DIPK2B: variants seen among roughly 807,000 people sequenced by gnomAD.
DIPK2B encodes divergent protein kinase domain 2B, also known as UPF0672 protein CXorf36.
Under a neutral mutation model 22.2 loss-of-function variants are expected in DIPK2B, and 15 were observed. The observed-to-expected ratio is 0.68, with a 90% confidence interval of 0.45 to 1.04. DIPK2B has a LOEUF of 1.04. DIPK2B is among the 50% of genes least tolerant of loss of function. DIPK2B has a pLI of 0.00. For synonymous variants in DIPK2B, 163 were observed against 153.2 expected (o/e 1.06, Z -0.47); for missense variants, 345 against 348.3 (o/e 0.99, Z 0.08).
chrX:45,178,516 CT>C (rs773309400), intron 2 of DIPK2B, among the ~76,000 whole-genome samples: 102 of 111,469 alleles, frequency 9.2e-4, no homozygotes, highest in African/African-American at 3.1e-3. Flanking sequence ...CACAATTATC[CT>C]TGTGAGAAAG....
At chrX:45,162,251 G>A in intron 2 of DIPK2B, 1 of 392,770 alleles carries the variant, frequency 2.5e-6, no homozygotes, top group Non-Finnish European at 3.2e-6. Flanking sequence ...AGCTTGGTGA[G>A]CCTTTCCCAC....
At chrX:45,154,371 T>C (rs889663310) in intron 3 of DIPK2B, among the ~76,000 whole-genome samples, 173 bp from the exon 4 acceptor site, 2 of 110,871 alleles carry the variant, frequency 1.8e-5, no homozygotes, top group African/African-American at 6.6e-5. Context: ...ATCATCTATC[T>C]ATCTCTATCT....
chrX:45,151,605 T>C lies in DIPK2B; in HGVS notation c.*47A>G, dbSNP rs764863334. On this transcript the variant is annotated 3_prime_UTR_variant, in exon 5 of 5. Transcript: ENST00000398000. ...CCTTGCAGCAACCCGACTGGGAGAA[T>C]GGAGAGCCAAGCGTGTTGTCCCCAA... 1 of 1,132,223 alleles carries C rather than the reference T, an allele frequency of 8.8e-7. No homozygotes were observed. Among genetic ancestry groups the C allele is most frequent in the Admixed American group, 2.4e-5 (1 of 40,873 alleles). 93.3% of individuals were successfully genotyped at this position (1,132,223 alleles called of 1,213,427 possible).
intron 2 of DIPK2B, among the ~76,000 whole-genome samples, chrX:45,168,228 G>T (rs5952702): frequency 0.3 from 33,816 of 111,233 alleles, 4,543 homozygotes; most frequent in African/African-American, 0.52. Context: ...GTTACCGTTG[G>T]CTTAGGCTGA....
In DIPK2B at chrX:45,150,495, C is replaced by T. The variant is rs2046954437; in HGVS notation, c.*1157G>A. On this transcript the variant is annotated 3_prime_UTR_variant, in exon 5 of 5. Coordinates refer to ENST00000398000, the MANE Select transcript of DIPK2B (RefSeq NM_176819.4). ...GACTCCTTAGAGTCCCAACTCGGAG[C>T]ATGCGGTGTGGAGAGAGCTGGTCCA... 1 of 112,015 alleles carries T rather than the reference C, an allele frequency of 8.9e-6. No homozygotes were observed. The highest frequency in any genetic ancestry group is 3.2e-5 in the African/African-American group (1 of 30,812). 9.2% of individuals were successfully genotyped at this position (112,015 alleles called of 1,213,427 possible).
chrX:45,155,705 C>T (rs1194194849), intron 3 of DIPK2B, among the ~76,000 whole-genome samples: 1 of 109,824 alleles, frequency 9.1e-6, no homozygotes, highest in African/African-American at 3.3e-5. Flanking sequence ...CCTCTGCCTC[C>T]TTGTAAGAGG....
chrX:45,192,071 C>T, intron 1 of DIPK2B, 56 bp from the exon 2 acceptor site: 1 of 1,099,888 alleles, frequency 9.1e-7, no homozygotes, highest in South Asian at 2.1e-5. Context: ...CTCACAGAGC[C>T]CAGGGACAGG....
At chrX:45,186,661 G>A (rs779248446) in intron 2 of DIPK2B, among the ~76,000 whole-genome samples, 39 of 112,242 alleles carry the variant, frequency 3.5e-4, no homozygotes, top group African/African-American at 1.2e-3. Flanking sequence ...TAGCCTGTGA[G>A]GCATTAAAAT....
chrX:45,191,141 T>C (rs1196760152), intron 2 of DIPK2B, among the ~76,000 whole-genome samples: 1 of 112,282 alleles, frequency 8.9e-6, no homozygotes, highest in Admixed American at 9.4e-5. Flanking sequence ...AGGGAACCAA[T>C]GCAGAATATG....
chrX:45,168,785 A>G (rs1453110890), intron 2 of DIPK2B, among the ~76,000 whole-genome samples: 1 of 111,563 alleles, frequency 9.0e-6, no homozygotes, highest in Non-Finnish European at 1.9e-5. Flanking sequence ...TTGTATTCCC[A>G]TCGGCCTGCG....
In DIPK2B at chrX:45,191,898, G is replaced by C. The variant is rs2047213295; in HGVS notation, c.351C>G (p.Val117=). The C allele has an allele frequency of 8.3e-7, 1 of 1,212,049 alleles. No individual in the cohort carries two copies. The highest frequency in any genetic ancestry group is 1.1e-6 in the Non-Finnish European group (1 of 895,570). ...CTGAGATCTCGTTTTGATATTTGCT[G>C]ACCAGTCTAAAGATCTCCACAGGGC... The part of the protein sequence containing the change: ...IWRPVEIFRL[V]SKYQNEISDR... The change falls in exon 2 of 5, where the codon GTC becomes GTG. Residue 117 remains valine, a synonymous_variant. Coordinates refer to ENST00000398000, the MANE Select transcript of DIPK2B (RefSeq NM_176819.4).
chrX:45,166,662 T>C (rs2047050445), intron 2 of DIPK2B, among the ~76,000 whole-genome samples: 1 of 112,073 alleles, frequency 8.9e-6, no homozygotes, highest in African/African-American at 3.2e-5. Flanking sequence ...CAAAAGCAAA[T>C]GTTTCTCAAA....
chrX:45,179,042 G>T (rs2047134558), intron 2 of DIPK2B, among the ~76,000 whole-genome samples: 1 of 111,260 alleles, frequency 9.0e-6, no homozygotes, highest in Non-Finnish European at 1.9e-5. Context: ...TAAGGCAGTG[G>T]CTCTCAACTG....
chrX:45,156,155 A>G (rs1166662546), intron 3 of DIPK2B, among the ~76,000 whole-genome samples: 1 of 107,820 alleles, frequency 9.3e-6, no homozygotes, highest in African/African-American at 3.4e-5. Context: ...ATTTTTTAGT[A>G]GAGACTGGGC....
chrX:45,181,401 A>G (rs1302353385), intron 2 of DIPK2B, among the ~76,000 whole-genome samples: 2 of 112,234 alleles, frequency 1.8e-5, no homozygotes, highest in African/African-American at 3.2e-5. Context: ...TAGAATTCTA[A>G]TGCAATATTG....
chrX:45,164,643 T>A (rs751299099), intron 2 of DIPK2B, among the ~76,000 whole-genome samples: 3 of 111,718 alleles, frequency 2.7e-5, no homozygotes, highest in Non-Finnish European at 5.6e-5. Context: ...AGAGATAGCA[T>A]TAGGAGAAAT....
chrX:45,152,357 C>CA (rs59835037), intron 4 of DIPK2B, among the ~76,000 whole-genome samples: 44,524 of 100,486 alleles, frequency 0.44, 7,766 homozygotes, highest in East Asian at 0.7. Flanking sequence ...AAAGCCATCT[C>CA]AAAAAAAAAA....
rs12559557 is a variant in DIPK2B, at chrX:45,155,628, C to T, written c.673-1430G>A. Among the ~76,000 whole-genome samples, 232 of 108,462 alleles carry T rather than the reference C, an allele frequency of 2.1e-3. 1 individual carries two copies. Among genetic ancestry groups the T allele is most frequent in the Non-Finnish European group, 2.9e-3 (151 of 52,439 alleles). The allele number at this position is 108,462 out of a possible 115,157, so 94.2% of individuals were successfully genotyped here. On this transcript the variant is annotated intron_variant, in intron 3 of 4. Coordinates refer to ENST00000398000, the MANE Select transcript of DIPK2B (RefSeq NM_176819.4). The stretch of plus-strand genomic sequence containing the variant: ...GCTATATACATCGTACAGATGTTCC[C>T]CAACTAACTGGAACCTTCCAGACAG...
chrX:45,167,074 T>A (rs751237436), intron 2 of DIPK2B, among the ~76,000 whole-genome samples: 8 of 112,749 alleles, frequency 7.1e-5, no homozygotes, highest in African/African-American at 2.6e-4. Context: ...GCTTTATAAT[T>A]AAAACAATGT....
Sources: allele counts gnomAD v4.1 joint callset (sites outside exome capture counted in the v4.1 genomes callset), GRCh38; gene constraint gnomAD v4.1.1; transcripts MANE v1.5; gene names NCBI Gene and HGNC (gene_info 2026-07-23, HGNC 2026-07-21).